Variants in TMC5 observed in about 807,000 individuals in gnomAD.
TMC5 encodes the protein transmembrane channel like 5.
In TMC5, 86 loss-of-function variants were observed where a neutral mutation model predicts 110.5. That is an observed-to-expected ratio of 0.78 (90% CI 0.65 to 0.93). TMC5 has a LOEUF of 0.93. TMC5 is among the 40% of genes least tolerant of loss of function. The pLI is 0.00. For synonymous variants in TMC5, 455 were observed against 439.5 expected (o/e 1.04, Z -0.44); for missense variants, 1,144 against 1,222.8 (o/e 0.94, Z 0.96).
intron 10 of TMC5, 75 bp downstream of exon 10, chr16:19,469,900 T>A (rs1262213048): frequency 9.1e-6 from 7 of 770,482 alleles, no homozygotes; most frequent in Non-Finnish European, 1.1e-5. Context: ...TAACTTTTCT[T>A]TTTTTTTTTT....
intron 2 of TMC5, among the ~76,000 whole-genome samples, chr16:19,435,151 G>T (rs962420888): frequency 6.6e-6 from 1 of 151,976 alleles, no homozygotes; most frequent in Admixed American, 6.6e-5. Flanking sequence ...TGGGAGAATC[G>T]GAAGGTTTTA....
intron 2 of TMC5, among the ~76,000 whole-genome samples, chr16:19,434,959 T>A (rs1021596366): frequency 6.6e-6 from 1 of 152,156 alleles, no homozygotes; most frequent in Non-Finnish European, 1.5e-5. Flanking sequence ...CCAACCACTT[T>A]CATTTCACAG....
At position 19,437,900 on chromosome 16, in the gene TMC5, C is replaced by T. The variant is rs367653991; in HGVS notation, c.-79-2060C>T. On this transcript the variant is annotated intron_variant, in intron 2 of 21. Coordinates refer to ENST00000542583, the MANE Select transcript of TMC5 (RefSeq NM_001261841.2). ...GCACCTCTTTCCCAGTAAGCCTTGT[C>T]CTGGTCCTGGAGGACTGACTGGGTT... is the stretch of plus-strand genomic sequence containing the variant. Among the ~76,000 whole-genome samples the T allele has an allele frequency of 2.0e-5, 3 of 152,284 alleles. No individual in the cohort carries two copies. In the East Asian group the frequency reaches 5.8e-4, roughly 29 times the overall value.
At chr16:19,443,026 C>A (rs905631603) in intron 3 of TMC5, among the ~76,000 whole-genome samples, 1 of 152,176 alleles carries the variant, frequency 6.6e-6, no homozygotes, top group Non-Finnish European at 1.5e-5. Flanking sequence ...AAGGATACGT[C>A]GTGTTAATGT....
At chr16:19,476,120 G>A (rs1968483040) in intron 12 of TMC5, among the ~76,000 whole-genome samples, 1 of 152,094 alleles carries the variant, frequency 6.6e-6, no homozygotes, top group South Asian at 2.1e-4. Context: ...GGCCAAGGTG[G>A]GAGGATTGCT....
upstream of TMC5, among the ~76,000 whole-genome samples, chr16:19,413,504 A>G (rs1966862475): frequency 8.1e-6 from 1 of 123,726 alleles, no homozygotes; most frequent in African/African-American, 3.0e-5. Flanking sequence ...AGGCTAGGCG[A>G]CATTGCCAAA....
At chr16:19,437,377 T>C (rs769561439) in intron 2 of TMC5, among the ~76,000 whole-genome samples, 5 of 152,158 alleles carry the variant, frequency 3.3e-5, no homozygotes, top group African/African-American at 9.7e-5. Context: ...GGACTGACTG[T>C]GTGGGAGAGG....
Position 19,444,199 on chromosome 16 carries a change from A to G in TMC5, c.907A>G (p.Met303Val). ...AGGCATTGAAATGGCATCCATGGAG[A>G]TGGCAAACTCATATGGCCACTCTCT... is the stretch of plus-strand genomic sequence containing the variant. ...PEGIEMASME[M>V]ANSYGHSLPG... The change falls in exon 4 of 22, where the codon ATG (methionine) becomes GTG (valine). Residue 303 changes from methionine to valine, a missense_variant. By Grantham distance (21) the Met-to-Val change is conservative (BLOSUM62 1). Transcript: ENST00000542583. 6.2e-7 allele frequency: 1 copy of G among 1,614,012 alleles called. No homozygotes were observed. The highest frequency in any genetic ancestry group is 1.1e-5 in the South Asian group (1 of 91,074).
chr16:19,468,958 C>A (rs28415977), intron 9 of TMC5, among the ~76,000 whole-genome samples: 5 of 152,252 alleles, frequency 3.3e-5, no homozygotes, highest in African/African-American at 1.2e-4. Flanking sequence ...CACCACTGCA[C>A]TCTAGCCTGG....
At chr16:19,448,018 G>A (rs992848413) in intron 4 of TMC5, among the ~76,000 whole-genome samples, 1 of 151,854 alleles carries the variant, frequency 6.6e-6, no homozygotes, top group South Asian at 2.1e-4. Context: ...ATTAAAATGT[G>A]CTCCATTTTC....
upstream of TMC5, among the ~76,000 whole-genome samples, chr16:19,417,156 C>T (rs947656011): frequency 3.4e-5 from 5 of 149,062 alleles, no homozygotes; most frequent in Admixed American, 6.7e-5. Flanking sequence ...CAGTGGCTTA[C>T]GCCTGTAATC....
At chr16:19,446,958 C>T (rs1967627852) in intron 4 of TMC5, among the ~76,000 whole-genome samples, 1 of 152,072 alleles carries the variant, frequency 6.6e-6, no homozygotes, top group African/African-American at 2.4e-5. Flanking sequence ...GCTCTAGGTG[C>T]TCTTCCTAGT....
At chr16:19,456,586 G>A in intron 5 of TMC5, 1 of 1,477,478 alleles carries the variant, frequency 6.8e-7, no homozygotes. Flanking sequence ...TGTGAATGGT[G>A]TATCCCTTTG....
At chr16:19,414,705 G>A (rs556771473), upstream of TMC5, among the ~76,000 whole-genome samples, 49 of 152,136 alleles carry the variant, frequency 3.2e-4, no homozygotes, top group African/African-American at 1.1e-3. Context: ...TCAGGAGTTC[G>A]AGACCAGCCT....
chr16:19,422,567 G>A (rs929959609), intron 1 of TMC5, among the ~76,000 whole-genome samples: 7 of 151,998 alleles, frequency 4.6e-5, no homozygotes, highest in African/African-American at 1.7e-4. Flanking sequence ...GGTGGCTCAC[G>A]TCTGTTGTAG....
At position 19,492,231 on chromosome 16, in the gene TMC5, A is replaced by G. The variant is rs755215340; in HGVS notation, c.2826+3A>G. On this transcript the variant is annotated splice_donor_region_variant and intron_variant, in intron 19 of 21. Coordinates refer to ENST00000542583, the MANE Select transcript of TMC5 (RefSeq NM_001261841.2). ...TGCTCCATGAGCAGATCATTAATGT[A>G]AGTCCCCTTGGATCCCTCTGATGTC... 17 of 1,610,404 alleles carry G rather than the reference A, an allele frequency of 1.1e-5. No individual in the cohort carries two copies. In the South Asian group the frequency reaches 1.6e-4, roughly 16 times the overall value.
chr16:19,430,129 A>T (rs1967167240), intron 1 of TMC5, among the ~76,000 whole-genome samples: 1 of 152,212 alleles, frequency 6.6e-6, no homozygotes, highest in Non-Finnish European at 1.5e-5. Context: ...GACACTGGAA[A>T]ATTGGATTAG....
intron 1 of TMC5, among the ~76,000 whole-genome samples, chr16:19,420,134 A>G (rs1468984526): frequency 2.0e-5 from 3 of 152,008 alleles, no homozygotes; most frequent in Non-Finnish European, 4.4e-5. Context: ...ATTAAAAATC[A>G]ACTAATTTTA....
At chr16:19,456,552 C>G in intron 5 of TMC5, 1 of 1,424,962 alleles carries the variant, frequency 7.0e-7, no homozygotes, top group Non-Finnish European at 9.2e-7. Flanking sequence ...CTTTGGTGAG[C>G]TCATCCTGGC....
Sources: gnomAD v4.1 joint callset for allele counts (sites outside exome capture counted in the v4.1 genomes callset) on GRCh38, gnomAD v4.1.1 for gene constraint, MANE v1.5 for transcripts, NCBI Gene and HGNC (gene_info 2026-07-23, HGNC 2026-07-21) for gene names.